Variants in DIP2C observed in about 807,000 individuals in gnomAD.
The protein encoded by DIP2C is DIP2 acetate--CoA ligase C (putative), also known as disco-interacting protein 2 homolog C.
Under a neutral mutation model 192.4 loss-of-function variants are expected in DIP2C, and 33 were observed. The ratio of observed to expected loss-of-function variants is 0.17; its 90% CI spans 0.13 to 0.23. The LOEUF (loss-of-function observed/expected upper bound fraction) is 0.23, where lower values mean the gene tolerates loss of function less well. Among genes scored for constraint, DIP2C ranks in the 10% least tolerant of loss-of-function variants. The probability of loss-of-function intolerance (pLI) is 1.00; values close to 1 mark genes in which losing one functional copy is unlikely to be tolerated. For synonymous variants in DIP2C, 979 were observed against 864.1 expected (o/e 1.13, Z -2.33); for missense variants, 1,537 against 2,110.1 (o/e 0.73, Z 5.32).
chr10:415,234 T>C (rs1965551605), intron 7 of DIP2C, among the ~76,000 whole-genome samples: 1 of 152,150 alleles, frequency 6.6e-6, no homozygotes, highest in African/African-American at 2.4e-5. Context: ...ACAAAATCAG[T>C]CGTTTCTACT....
intron 3 of DIP2C, among the ~76,000 whole-genome samples, chr10:453,826 A>C (rs11252517): frequency 0.17 from 25,280 of 152,222 alleles, 5,302 homozygotes; most frequent in African/African-American, 0.49. Flanking sequence ...AGGGAGGGAT[A>C]TTGCTGGAGA....
At chr10:483,998 C>T (rs190491788) in intron 2 of DIP2C, among the ~76,000 whole-genome samples, 5 of 152,068 alleles carry the variant, frequency 3.3e-5, no homozygotes, top group Admixed American at 1.3e-4. Context: ...TTTGTAGAGA[C>T]GGGGACTCCC....
At chr10:319,943 G>A (rs1049777063) in intron 31 of DIP2C, among the ~76,000 whole-genome samples, 1 of 152,122 alleles carries the variant, frequency 6.6e-6, no homozygotes, top group Non-Finnish European at 1.5e-5. Context: ...TGAATCCAAT[G>A]GTCCAATGCA....
chr10:445,262 A>T (rs1968071899), intron 3 of DIP2C, among the ~76,000 whole-genome samples: 1 of 151,200 alleles, frequency 6.6e-6, no homozygotes, highest in Non-Finnish European at 1.5e-5. Context: ...CCCATGGGGC[A>T]TCTGTATACA....
chr10:635,666 C>T (rs1200598268), intron 1 of DIP2C, among the ~76,000 whole-genome samples: 1 of 152,220 alleles, frequency 6.6e-6, no homozygotes, highest in Non-Finnish European at 1.5e-5. Flanking sequence ...GCTGCGGGCA[C>T]TGCCCCAGGA....
intron 1 of DIP2C, among the ~76,000 whole-genome samples, chr10:585,970 T>C (rs1468670822): frequency 6.6e-6 from 1 of 152,170 alleles, no homozygotes; most frequent in Non-Finnish European, 1.5e-5. Flanking sequence ...GGCAATTTGG[T>C]AATGACGCTT....
intron 2 of DIP2C, among the ~76,000 whole-genome samples, chr10:482,661 G>A (rs560265500): frequency 1.8e-4 from 28 of 152,340 alleles, no homozygotes; most frequent in Non-Finnish European, 5.9e-5. Context: ...AAGAGGAGCT[G>A]TATCTGAGCA....
At chr10:566,813 G>A (rs370483743) in intron 1 of DIP2C, among the ~76,000 whole-genome samples, 9 of 152,356 alleles carry the variant, frequency 5.9e-5, no homozygotes, top group African/African-American at 1.9e-4. Flanking sequence ...ATGCGGAGCA[G>A]CGTCTATGGC....
chr10:511,011 G>T (rs1025991080), intron 1 of DIP2C, among the ~76,000 whole-genome samples: 4 of 152,166 alleles, frequency 2.6e-5, no homozygotes, highest in African/African-American at 9.7e-5. Flanking sequence ...ATTAGCCTTC[G>T]AGATGCAGTT....
chr10:375,156 T>A (rs1369592895), intron 17 of DIP2C, among the ~76,000 whole-genome samples: 3 of 152,244 alleles, frequency 2.0e-5, no homozygotes, highest in Admixed American at 6.5e-5. Flanking sequence ...AGATCTCACG[T>A]TGAAATGTGA....
At position 674,769 on chromosome 10, in the gene DIP2C, CAA is replaced by C. The variant is rs1564332650; in HGVS notation, c.85+14723_85+14724del. 2.5e-3 allele frequency among the ~76,000 whole-genome samples: 18 copies of C among 7,124 alleles called. No homozygotes were observed. In the East Asian group the frequency reaches 0.069, roughly 27 times the overall value. The allele number at this position is 7,124 out of a possible 152,430, so 4.7% of individuals were successfully genotyped here. On this transcript the variant is annotated intron_variant, in intron 1 of 36. Transcript: ENST00000280886. ...AAGCAACAAAAGCAAAACTCCATCT[CAA>C]ATATATATATATATATATAGAGAGA...
chr10:576,418 A>T (rs1300959633), intron 1 of DIP2C, among the ~76,000 whole-genome samples: 1 of 152,240 alleles, frequency 6.6e-6, no homozygotes, highest in Non-Finnish European at 1.5e-5. Flanking sequence ...ATGGGACAGC[A>T]GTAACTGCCC....
At chr10:502,931 G>A (rs567524243) in intron 1 of DIP2C, among the ~76,000 whole-genome samples, 3 of 152,170 alleles carry the variant, frequency 2.0e-5, no homozygotes, top group South Asian at 4.2e-4. Context: ...CATAAATCCC[G>A]CCAGGACACT....
At chr10:563,964 G>A (rs1849338843) in intron 1 of DIP2C, among the ~76,000 whole-genome samples, 1 of 152,226 alleles carries the variant, frequency 6.6e-6, no homozygotes, top group South Asian at 2.1e-4. Context: ...TGAAGAAACT[G>A]AAGAATTAAA....
chr10:506,261 A>G (rs947186497), intron 1 of DIP2C, among the ~76,000 whole-genome samples: 3 of 152,324 alleles, frequency 2.0e-5, no homozygotes, highest in East Asian at 3.9e-4. Context: ...GGACTTCTGC[A>G]TGAAGCTAAG....
chr10:309,996 A>G, intron 32 of DIP2C, 35 bp downstream of exon 32: 2 of 1,607,274 alleles, frequency 1.2e-6, no homozygotes, highest in South Asian at 2.2e-5. Flanking sequence ...AAACAAAAAA[A>G]GGAAAAAAAG....
At chr10:390,439 C>T (rs1325443558) in intron 11 of DIP2C, 66 bp from the exon 12 acceptor site, 7 of 1,460,100 alleles carry the variant, frequency 4.8e-6, no homozygotes, top group Non-Finnish European at 6.7e-6. Flanking sequence ...AATTTCTCCC[C>T]ATTTATGTGG....
chr10:648,294 G>A (rs1275174577), intron 1 of DIP2C, among the ~76,000 whole-genome samples: 1 of 151,404 alleles, frequency 6.6e-6, no homozygotes, highest in African/African-American at 2.4e-5. Flanking sequence ...ATCCACATTG[G>A]ATGGTGGGAG....
At chr10:498,542 CA>C (rs1845015010) in intron 1 of DIP2C, among the ~76,000 whole-genome samples, 1 of 152,226 alleles carries the variant, frequency 6.6e-6, no homozygotes, top group South Asian at 2.1e-4. Context: ...CCCTGCTGCC[CA>C]GGGGGCTCTC....
Sources: allele counts gnomAD v4.1 joint callset (sites outside exome capture counted in the v4.1 genomes callset), GRCh38; gene constraint gnomAD v4.1.1; transcripts MANE v1.5; gene names NCBI Gene and HGNC (gene_info 2026-07-23, HGNC 2026-07-21).